RHBDF2: variants seen among roughly 807,000 people sequenced by gnomAD.
RHBDF2 encodes the protein inactive rhomboid protein 2.
A neutral mutation model predicts 95.2 loss-of-function variants in RHBDF2; 38 were observed. That is an observed-to-expected ratio of 0.40 (90% CI 0.31 to 0.52). The LOEUF (loss-of-function observed/expected upper bound fraction) is 0.52. Among genes scored for constraint, RHBDF2 ranks in the 20% least tolerant of loss-of-function variants. The probability of loss-of-function intolerance (pLI) is 0.56; values close to 1 mark genes in which losing one functional copy is unlikely to be tolerated. For synonymous variants in RHBDF2, 442 were observed against 462.0 expected (o/e 0.96, Z 0.55); for missense variants, 863 against 1,137.7 (o/e 0.76, Z 3.47).
Position 76,476,972 on chromosome 17 carries a change from C to T in RHBDF2, c.973G>A (p.Ala325Thr), listed in dbSNP as rs766047144. 9 of 1,613,840 alleles carry T rather than the reference C, an allele frequency of 5.6e-6. No individual in the cohort carries two copies. Among genetic ancestry groups the T allele is most frequent in the Non-Finnish European group, 6.8e-6 (8 of 1,180,048 alleles). ...VPGPRRGKRI[A>T]SKVKHFAFDR... ...AAGGCAAAGTGCTTCACCTTGGAGG[C>T]GATGCGCTTGCCGCGCCGGGGCCCG... is the stretch of plus-strand genomic sequence containing the variant. The change falls in exon 9 of 19, where the codon GCC becomes ACC. Residue 325 changes from alanine to threonine, a missense_variant. Transcript: ENST00000675367.
chr17:76,493,796 C>T (rs951363642), intron 1 of RHBDF2, among the ~76,000 whole-genome samples: 8 of 152,248 alleles, frequency 5.3e-5, no homozygotes, highest in African/African-American at 1.2e-4. Flanking sequence ...AGAAACAAAA[C>T]GGCCTGTGGG....
In RHBDF2 at chr17:76,471,170, T is replaced by G. The variant is rs1393070683; in HGVS notation, c.*463A>C. On this transcript the variant is annotated 3_prime_UTR_variant, in exon 19 of 19. Coordinates refer to ENST00000675367, the MANE Select transcript of RHBDF2 (RefSeq NM_001005498.4). ...TATGGATGGGCTCACAGGGCAGAGG[T>G]AGGAGGAGAAAGAGGAAGGGGCATG... 1.8e-5 allele frequency: 3 copies of G among 166,352 alleles called. No homozygotes were observed. Among genetic ancestry groups the G allele is most frequent in the African/African-American group, 4.8e-5 (2 of 41,394 alleles). 10.3% of individuals were successfully genotyped at this position (166,352 alleles called of 1,614,324 possible).
chr17:76,481,327 A>C, intron 3 of RHBDF2, 48 bp downstream of exon 3: 1 of 1,571,848 alleles, frequency 6.4e-7, no homozygotes, highest in Non-Finnish European at 8.6e-7. Flanking sequence ...ACGTGGGTAC[A>C]TCTGTTACCT....
rs768692233 is a variant in RHBDF2, at chr17:76,473,276, A to G, written c.1785T>C (p.His595=). The G allele has an allele frequency of 6.2e-7, 1 of 1,613,014 alleles. No homozygotes were observed. Among genetic ancestry groups the G allele is most frequent in the South Asian group, 1.1e-5 (1 of 90,816 alleles). Residue 595 remains histidine, a synonymous_variant, in exon 16 of 19, where the codon CAT becomes CAC. Coordinates refer to ENST00000675367, the MANE Select transcript of RHBDF2 (RefSeq NM_001005498.4). The part of the protein sequence containing the change: ...EYCEFMHGYF[H]EEATLCSQVH... ...CCTGGGAGCAGAGTGTTGCTTCCTC[A>G]TGGAAATAGCCGTGCATGAACTCAC...
Position 76,471,962 on chromosome 17 carries a change from C to T in RHBDF2, c.2155G>A (p.Ala719Thr). Residue 719 changes from alanine to threonine, a missense_variant, in exon 19 of 19, where the codon GCC (alanine) becomes ACC (threonine). Ala to Thr is a moderately conservative substitution (Grantham distance 58). Around this residue, in one of 2 missense-constraint regions of RHBDF2, gnomAD observed 252 missense variants for 412.2 expected, o/e 0.61. Transcript: ENST00000675367. Reference sequence around the variant, plus strand: ...ACGATGGCCGAGAGGTTGAGGAAGGCCTTCCAGGGCCTCTCCAGCAGCGGC... The same window carrying T: ...ACGATGGCCGAGAGGTTGAGGAAGGTCTTCCAGGGCCTCTCCAGCAGCGGC... Reference protein sequence around the residue: ...SWPLLERPWKAFLNLSAIVLF... With the variant: ...SWPLLERPWKTFLNLSAIVLF... The T allele has an allele frequency of 6.4e-7, 1 of 1,570,716 alleles. No individual in the cohort carries two copies. Among genetic ancestry groups the T allele is most frequent in the Non-Finnish European group, 8.6e-7 (1 of 1,157,790 alleles).
intron 3 of RHBDF2, 99 bp from the exon 4 acceptor site, chr17:76,479,953 C>T: frequency 6.5e-7 from 1 of 1,530,296 alleles, no homozygotes; most frequent in Non-Finnish European, 8.8e-7. Context: ...TGAGAACAAA[C>T]TTCAACCCTG....
intron 2 of RHBDF2, among the ~76,000 whole-genome samples, chr17:76,484,994 G>A (rs540987448): frequency 2.6e-5 from 4 of 152,290 alleles, no homozygotes; most frequent in Admixed American, 1.3e-4. Flanking sequence ...TGATGTCACC[G>A]GGCACAGTGG....
intron 2 of RHBDF2, among the ~76,000 whole-genome samples, chr17:76,485,059 G>C (rs529147259): frequency 6.6e-6 from 1 of 152,252 alleles, no homozygotes; most frequent in South Asian, 2.1e-4. Context: ...ATCACCTAAG[G>C]CCAGGAGTTC....
Position 76,471,457 on chromosome 17 carries a change from A to T in RHBDF2, c.*176T>A. ...TCACGCCCCAGAAAAACCCCGCCTT[A>T]ACCAACCATCTCACGCGGAGTCAGC... On this transcript the variant is annotated 3_prime_UTR_variant, in exon 19 of 19. Transcript: ENST00000675367. 1 of 692,838 alleles carries T rather than the reference A, an allele frequency of 1.4e-6. No homozygotes were observed. The highest frequency in any genetic ancestry group is 2.4e-6 in the Non-Finnish European group (1 of 425,302). 42.9% of individuals were successfully genotyped at this position (692,838 alleles called of 1,614,324 possible).
At chr17:76,472,927 C>A (rs890717398) in intron 17 of RHBDF2, 78 bp downstream of exon 17, 7 of 1,593,412 alleles carry the variant, frequency 4.4e-6, no homozygotes, top group Non-Finnish European at 6.0e-6. Context: ...CATGCCCTGG[C>A]CCAGGAACCT....
chr17:76,486,593 A>C (rs1364688957), intron 2 of RHBDF2, among the ~76,000 whole-genome samples: 2 of 152,110 alleles, frequency 1.3e-5, no homozygotes, highest in Non-Finnish European at 2.9e-5. Flanking sequence ...GCGTGCATAT[A>C]GTCCCAGCTA....
At chr17:76,485,203 T>G (rs1056684277) in intron 2 of RHBDF2, among the ~76,000 whole-genome samples, 21 of 151,564 alleles carry the variant, frequency 1.4e-4, no homozygotes, top group Non-Finnish European at 2.7e-4. Context: ...AGGTCGGGAG[T>G]TCGAGACCAG....
chr17:76,475,163 C>A, intron 9 of RHBDF2, 22 bp from the exon 10 acceptor site: 1 of 1,541,416 alleles, frequency 6.5e-7, no homozygotes, highest in South Asian at 1.2e-5. Flanking sequence ...CACCTCGGGT[C>A]AGCTGAGCCG....
rs1020181024 is a variant in RHBDF2, at chr17:76,495,994, G to A, written c.-220+5359C>T. On this transcript the variant is annotated intron_variant, in intron 1 of 18. Transcript: ENST00000675367. ...GTGCTTATGGCCCACACCTTGCTTC[G>A]GGGCAGCGTGGAGCTCTCTTGCTGA... Among the ~76,000 whole-genome samples the A allele has an allele frequency of 4.6e-5, 7 of 152,080 alleles. No individual in the cohort carries two copies. In the South Asian group the frequency reaches 1.0e-3, roughly 23 times the overall value.
Position 76,477,598 on chromosome 17 carries a change from C to T in RHBDF2, c.801+59G>A, listed in dbSNP as rs1364410466. 6.4e-6 allele frequency: 10 copies of T among 1,574,060 alleles called. No individual in the cohort carries two copies. In the African/African-American group the frequency reaches 9.4e-5, roughly 15 times the overall value. ...CTGAATATGATCAATGCCAAGGTCACCTCACCCAGCTCCCAGGCCACCCCA... is the reference window on the plus strand; with the variant it reads ...CTGAATATGATCAATGCCAAGGTCATCTCACCCAGCTCCCAGGCCACCCCA... On this transcript the variant is annotated intron_variant, in intron 7 of 18. Transcript: ENST00000675367.
intron 4 of RHBDF2, 50 bp downstream of exon 4, chr17:76,479,683 C>T: frequency 1.4e-6 from 2 of 1,439,892 alleles, no homozygotes; most frequent in Non-Finnish European, 1.9e-6. Context: ...CCCCGAGAAT[C>T]CACAGGTTGC....
At chr17:76,488,542 G>A (rs1367170506) in intron 1 of RHBDF2, among the ~76,000 whole-genome samples, 1 of 151,954 alleles carries the variant, frequency 6.6e-6, no homozygotes, top group Admixed American at 6.6e-5. Flanking sequence ...GGGTGCAGGC[G>A]CTCACACCTG....
chr17:76,481,604 C>T, intron 2 of RHBDF2, 59 bp from the exon 3 acceptor site: 1 of 1,484,772 alleles, frequency 6.7e-7, no homozygotes, highest in East Asian at 2.3e-5. Context: ...GTGTCAGGAC[C>T]CTGACGCCAG....
chr17:76,488,533 G>A (rs1290273813), intron 1 of RHBDF2, among the ~76,000 whole-genome samples: 1 of 152,014 alleles, frequency 6.6e-6, no homozygotes. Flanking sequence ...TTTTGGGCAG[G>A]GTGCAGGCGC....
Sources: allele counts gnomAD v4.1 joint callset (sites outside exome capture counted in the v4.1 genomes callset), GRCh38; gene constraint gnomAD v4.1.1; regional missense constraint gnomAD v4.1.1; transcripts MANE v1.5; gene names NCBI Gene and HGNC (gene_info 2026-07-23, HGNC 2026-07-21).